CLASP2: variants seen among roughly 807,000 people sequenced by gnomAD.
CLASP2 encodes the protein CLIP-associating protein 2.
In CLASP2, 47 loss-of-function variants were observed where a neutral mutation model predicts 194.4. That is an observed-to-expected ratio of 0.24 (90% confidence interval 0.19 to 0.31). CLASP2 has a LOEUF of 0.31. CLASP2 is among the 10% of genes least tolerant of loss of function. The pLI is 1.00. For missense variants in CLASP2, 1,445 were observed against 1,823.6 expected (o/e 0.79, Z 3.78); for synonymous variants, 619 against 633.5 (o/e 0.98, Z 0.34).
intron 20 of CLASP2, among the ~76,000 whole-genome samples, 168 bp downstream of exon 20, chr3:33,594,783 C>T (rs1576937229): frequency 6.6e-6 from 1 of 150,802 alleles, no homozygotes; most frequent in African/African-American, 2.4e-5. Context: ...AAAAAAAAAT[C>T]CACACATTAC....
At chr3:33,666,583 TTTTG>T (rs1292475027) in intron 6 of CLASP2, among the ~76,000 whole-genome samples, 5 of 152,214 alleles carry the variant, frequency 3.3e-5, no homozygotes, top group African/African-American at 1.2e-4. Context: ...ATTTACCACA[TTTTG>T]TTTATCTATT....
intron 36 of CLASP2, among the ~76,000 whole-genome samples, chr3:33,513,168 T>C (rs1481473163): frequency 1.3e-5 from 2 of 152,152 alleles, no homozygotes; most frequent in Non-Finnish European, 2.9e-5. Flanking sequence ...ATATTAGGTA[T>C]CATTTTTAAA....
intron 34 of CLASP2, among the ~76,000 whole-genome samples, chr3:33,529,162 A>G (rs998254815): frequency 3.3e-5 from 5 of 152,224 alleles, no homozygotes; most frequent in African/African-American, 1.2e-4. Context: ...CACTGCTCAA[A>G]GAAATCAGAG....
chr3:33,611,175 C>T (rs2075109025), intron 13 of CLASP2, among the ~76,000 whole-genome samples: 1 of 152,136 alleles, frequency 6.6e-6, no homozygotes, highest in Admixed American at 6.5e-5. Context: ...TGCACAAAGG[C>T]TATCGCAACC....
intron 7 of CLASP2, among the ~76,000 whole-genome samples, chr3:33,652,437 A>G (rs1247483810): frequency 6.6e-6 from 1 of 152,118 alleles, no homozygotes; most frequent in Non-Finnish European, 1.5e-5. Context: ...CACTTCCCAC[A>G]CTGTGCTTTT....
Position 33,659,416 on chromosome 3 carries a change from A to G in CLASP2, c.715+4029T>C. 3.0e-6 allele frequency: 3 copies of G among 1,007,756 alleles called. No individual in the cohort carries two copies. In the South Asian group the frequency reaches 1.4e-4, roughly 47 times the overall value. The allele number at this position is 1,007,756 out of a possible 1,614,324, so 62.4% of individuals were successfully genotyped here. ...TCAGCAATCATTTTCTGCTTCCCTAAAGATATCCATGTAATCAGTAGCAAT... is the reference window on the plus strand; with the variant it reads ...TCAGCAATCATTTTCTGCTTCCCTAGAGATATCCATGTAATCAGTAGCAAT... On this transcript the variant is annotated intron_variant, in intron 7 of 38. Transcript: ENST00000682230.
At chr3:33,702,623 C>T (rs2092448778) in intron 1 of CLASP2, among the ~76,000 whole-genome samples, 1 of 151,910 alleles carries the variant, frequency 6.6e-6, no homozygotes, top group African/African-American at 2.4e-5. Context: ...CTAAAAACAC[C>T]TAGTCTTCAA....
At chr3:33,516,731 T>G (rs1328560139) in intron 35 of CLASP2, among the ~76,000 whole-genome samples, 1 of 152,120 alleles carries the variant, frequency 6.6e-6, no homozygotes, top group African/African-American at 2.4e-5. Context: ...AATCTAAATA[T>G]GTAAAACAAG....
At chr3:33,575,265 C>T (rs1314406902) in intron 24 of CLASP2, among the ~76,000 whole-genome samples, 1 of 152,016 alleles carries the variant, frequency 6.6e-6, no homozygotes, top group Non-Finnish European at 1.5e-5. Flanking sequence ...ATGGTTAGCG[C>T]AGAACTACAC....
At chr3:33,687,168 T>C (rs1474202694) in intron 4 of CLASP2, 33 bp from the exon 5 acceptor site, 1 of 1,433,188 alleles carries the variant, frequency 7.0e-7, no homozygotes. Flanking sequence ...ATAAAGAAAA[T>C]TTGTTTTTAA....
intron 1 of CLASP2, among the ~76,000 whole-genome samples, chr3:33,700,343 T>C (rs1425955076): frequency 6.6e-6 from 1 of 151,850 alleles, no homozygotes; most frequent in African/African-American, 2.4e-5. Flanking sequence ...ACGAGAATCA[T>C]CTGAACTTGG....
intron 6 of CLASP2, among the ~76,000 whole-genome samples, chr3:33,673,082 A>C (rs1018795467): frequency 6.6e-6 from 1 of 152,206 alleles, no homozygotes; most frequent in Non-Finnish European, 1.5e-5. Context: ...GATTCAGGAA[A>C]TACAGAGAAC....
intron 8 of CLASP2, chr3:33,644,545 A>G: frequency 1.6e-6 from 1 of 606,910 alleles, no homozygotes; most frequent in Non-Finnish European, 2.9e-6. Context: ...TCAAGAAGAG[A>G]CTAATTCACA....
intron 7 of CLASP2, among the ~76,000 whole-genome samples, chr3:33,652,319 A>G (rs2083355952): frequency 6.6e-6 from 1 of 152,214 alleles, no homozygotes; most frequent in African/African-American, 2.4e-5. Context: ...TCCAGCAGTG[A>G]CTATGGTTAT....
At chr3:33,600,598 G>T (rs1474877310) in intron 18 of CLASP2, among the ~76,000 whole-genome samples, 1 of 152,132 alleles carries the variant, frequency 6.6e-6, no homozygotes, top group South Asian at 2.1e-4. Context: ...ATTAAAAGCA[G>T]TAATCAACAC....
At chr3:33,671,484 G>A (rs557550472) in intron 6 of CLASP2, among the ~76,000 whole-genome samples, 2 of 152,310 alleles carry the variant, frequency 1.3e-5, no homozygotes, top group Admixed American at 6.5e-5. Flanking sequence ...AATAGGAACA[G>A]CTCTGGTCTA....
At chr3:33,636,040 C>T (rs1294946860) in intron 8 of CLASP2, among the ~76,000 whole-genome samples, 1 of 152,046 alleles carries the variant, frequency 6.6e-6, no homozygotes, top group African/African-American at 2.4e-5. Flanking sequence ...ACGTAGACAC[C>T]AACTAAGGTT....
intron 2 of CLASP2, 55 bp downstream of exon 2, chr3:33,696,800 A>G: frequency 8.5e-7 from 1 of 1,174,578 alleles, no homozygotes; most frequent in Non-Finnish European, 1.2e-6. Flanking sequence ...AACTAACGAA[A>G]AAAGTCATCA....
rs532187899 is a variant in CLASP2 at position 33,671,808 on chromosome 3, A to G, written c.645-8293T>C. On this transcript the variant is annotated intron_variant, in intron 6 of 38. Transcript: ENST00000682230. ...AGATTATATCCTGCACCTGGCTCGG[A>G]GGGTCCTACGCCCACGGAGACTCAC... Among the ~76,000 whole-genome samples the G allele has an allele frequency of 2.0e-5, 3 of 152,312 alleles. No homozygotes were observed. The East Asian group carries it at 5.8e-4, about 29-fold the overall frequency.
Sources: gnomAD v4.1 joint callset for allele counts (sites outside exome capture counted in the v4.1 genomes callset) on GRCh38, gnomAD v4.1.1 for gene constraint, MANE v1.5 for transcripts, NCBI Gene and HGNC (gene_info 2026-07-23, HGNC 2026-07-21) for gene names.